Variants in TSPAN9 observed in about 807,000 individuals in gnomAD.
TSPAN9 encodes the protein tetraspanin 9, also known as tetraspanin-9.
In TSPAN9, 16 loss-of-function variants were observed where a neutral mutation model predicts 31.0. The observed-to-expected ratio is 0.52, with a 90% CI of 0.35 to 0.78. The LOEUF is 0.78. Ranked by LOEUF, TSPAN9 falls within the 30% of genes least tolerant of loss-of-function variation. TSPAN9 has a pLI of 0.01. For synonymous variants in TSPAN9, 145 were observed against 121.6 expected (o/e 1.19, Z -1.27); for missense variants, 272 against 312.5 (o/e 0.87, Z 0.98).
At chr12:3,232,634 A>G (rs1591694080) in intron 3 of TSPAN9, among the ~76,000 whole-genome samples, 1 of 152,160 alleles carries the variant, frequency 6.6e-6, no homozygotes, top group Non-Finnish European at 1.5e-5. Flanking sequence ...CTAGCGACTG[A>G]GTTTGTTGGT....
chr12:3,274,121 G>A (rs1297153314), intron 3 of TSPAN9, among the ~76,000 whole-genome samples: 4 of 152,188 alleles, frequency 2.6e-5, no homozygotes, highest in South Asian at 4.1e-4. Flanking sequence ...TGTGCACTGC[G>A]GGGTGTTTGG....
At chr12:3,176,271 T>C (rs1004090013) in intron 2 of TSPAN9, among the ~76,000 whole-genome samples, 1 of 152,150 alleles carries the variant, frequency 6.6e-6, no homozygotes, top group South Asian at 2.1e-4. Flanking sequence ...AGCCCAGCGA[T>C]TGGAGAAGAG....
intron 2 of TSPAN9, among the ~76,000 whole-genome samples, chr12:3,165,909 G>T (rs908476918): frequency 6.6e-6 from 1 of 152,164 alleles, no homozygotes; most frequent in Non-Finnish European, 1.5e-5. Flanking sequence ...TGCAGGGGAC[G>T]GGCCTCAAGG....
intron 2 of TSPAN9, among the ~76,000 whole-genome samples, chr12:3,088,468 GGCCT>G (rs2153962596): frequency 1.3e-5 from 2 of 152,328 alleles, no homozygotes; most frequent in African/African-American, 4.8e-5. Context: ...GGAAGCTCCA[GGCCT>G]GGCTGTCACC....
intron 2 of TSPAN9, among the ~76,000 whole-genome samples, chr12:3,089,357 C>T (rs1320342790): frequency 1.7e-4 from 24 of 138,004 alleles, no homozygotes; most frequent in Admixed American, 3.8e-4. Flanking sequence ...AGTGCAGTGG[C>T]GTGATCTTGG....
At chr12:3,269,726 A>T (rs1862635354) in intron 3 of TSPAN9, among the ~76,000 whole-genome samples, 1 of 152,240 alleles carries the variant, frequency 6.6e-6, no homozygotes, top group African/African-American at 2.4e-5. Flanking sequence ...CAGGAGCTGC[A>T]CGGGCTGGTA....
rs1338358513 is a variant in TSPAN9, at chr12:3,147,806, C to T, written c.-17-53371C>T. ...GTAGTTTTCACCTGCAGTGTTGGCT[C>T]ACACTGGTGGGTGCCCTTTGGTGAG... On this transcript the variant is annotated intron_variant, in intron 2 of 8. Coordinates refer to ENST00000011898, the MANE Select transcript of TSPAN9 (RefSeq NM_006675.5). The surrounding 1 kb of genome is among the most constrained non-coding windows in gnomAD (Gnocchi z 4.3). Among the ~76,000 whole-genome samples the T allele has an allele frequency of 1.3e-5, 2 of 152,194 alleles. No individual in the cohort carries two copies. Among genetic ancestry groups the T allele is most frequent in the African/African-American group, 4.8e-5 (2 of 41,444 alleles).
At chr12:3,079,748 C>G (rs1319906016) in intron 1 of TSPAN9, among the ~76,000 whole-genome samples, 1 of 151,606 alleles carries the variant, frequency 6.6e-6, no homozygotes, top group African/African-American at 2.4e-5. Flanking sequence ...AGGCATGAAC[C>G]ACCGTACTTA....
At chr12:3,225,143 G>C (rs2098386514) in intron 3 of TSPAN9, among the ~76,000 whole-genome samples, 1 of 152,206 alleles carries the variant, frequency 6.6e-6, no homozygotes, top group Non-Finnish European at 1.5e-5. Context: ...TGGGTTGGAG[G>C]TAAACACAGG....
At chr12:3,140,993 A>G (rs1407752471) in intron 2 of TSPAN9, among the ~76,000 whole-genome samples, 1 of 134,280 alleles carries the variant, frequency 7.4e-6, no homozygotes, top group African/African-American at 2.9e-5. Flanking sequence ...GGCTGTGGGA[A>G]GTGTTGGGGT....
chr12:3,186,570 GTGTGTGTA>G (rs1458586494), intron 2 of TSPAN9, among the ~76,000 whole-genome samples: 2 of 148,076 alleles, frequency 1.4e-5, no homozygotes, highest in Non-Finnish European at 3.0e-5. Context: ...GTGTGTGTGT[GTGTGTGTA>G]TACACACAAG....
chr12:3,227,986 G>A (rs961179642), intron 3 of TSPAN9, among the ~76,000 whole-genome samples: 1 of 152,186 alleles, frequency 6.6e-6, no homozygotes, highest in Non-Finnish European at 1.5e-5. Flanking sequence ...AAGGAAATAA[G>A]AAAGGCAGCT....
chr12:3,135,882 T>TAGTC (rs1196039704), intron 2 of TSPAN9, among the ~76,000 whole-genome samples: 1 of 152,186 alleles, frequency 6.6e-6, no homozygotes, highest in Admixed American at 6.5e-5. Context: ...TCAGCTCAGG[T>TAGTC]AGTCCCAGGG....
chr12:3,121,328 A>AT (rs1278872673), intron 2 of TSPAN9, among the ~76,000 whole-genome samples: 1 of 82,352 alleles, frequency 1.2e-5, no homozygotes, highest in African/African-American at 4.7e-5. Flanking sequence ...TACTGGAGAG[A>AT]TTTTTCAAAA....
chr12:3,226,778 ATATATATATATATATATT>A (rs2098387924), intron 3 of TSPAN9, among the ~76,000 whole-genome samples: 1 of 1,680 alleles, frequency 6.0e-4, no homozygotes, highest in African/African-American at 2.3e-3. Context: ...ATATATATAT[ATATATATATATATATATT>A]TTTTTTTTTT....
intron 2 of TSPAN9, among the ~76,000 whole-genome samples, chr12:3,178,646 A>C (rs1264194738): frequency 6.6e-6 from 1 of 152,064 alleles, no homozygotes; most frequent in Non-Finnish European, 1.5e-5. Flanking sequence ...CTTAGTAGGC[A>C]CTCCATAAAC....
At chr12:3,206,244 C>A in intron 3 of TSPAN9, 1 of 447,560 alleles carries the variant, frequency 2.2e-6, no homozygotes, top group South Asian at 1.6e-5. Flanking sequence ...TTCACTCATG[C>A]CACAGCTATT....
At chr12:3,093,045 AAGC>A (rs1404540173) in intron 2 of TSPAN9, among the ~76,000 whole-genome samples, 1 of 152,212 alleles carries the variant, frequency 6.6e-6, no homozygotes, top group Non-Finnish European at 1.5e-5. Context: ...GGAACACGGA[AAGC>A]ATTCAGAGTC....
At chr12:3,105,772 GCA>G (rs77943745) in intron 2 of TSPAN9, among the ~76,000 whole-genome samples, 4 of 71,994 alleles carry the variant, frequency 5.6e-5, no homozygotes, top group African/African-American at 1.5e-4. Flanking sequence ...ACACGCGCAC[GCA>G]CACACGCTCA....
Sources: gnomAD v4.1 joint callset for allele counts (sites outside exome capture counted in the v4.1 genomes callset) on GRCh38, gnomAD v4.1.1 for gene constraint, Gnocchi (gnomAD v3.1) non-coding constraint, MANE v1.5 for transcripts, NCBI Gene and HGNC (gene_info 2026-07-23, HGNC 2026-07-21) for gene names.